TRPM3: variants seen among roughly 807,000 people sequenced by gnomAD.
TRPM3 encodes long transient receptor potential channel 3.
In TRPM3, 77 loss-of-function variants were observed where a neutral mutation model predicts 181.2. The observed-to-expected ratio is 0.42, with a 90% CI of 0.35 to 0.51. The LOEUF (loss-of-function observed/expected upper bound fraction) is 0.51. Ranked by LOEUF, TRPM3 falls within the 20% of genes least tolerant of loss-of-function variation. The pLI is 0.01. For missense variants in TRPM3, 1,759 were observed against 2,196.7 expected, an observed-to-expected ratio of 0.80 and a Z score of 3.98; for synonymous variants, 745 against 796.4, an observed-to-expected ratio of 0.94 and a Z score of 1.09.
At chr9:71,275,583 A>C (rs565697196) in intron 1 of TRPM3, among the ~76,000 whole-genome samples, 4 of 152,198 alleles carry the variant, frequency 2.6e-5, no homozygotes, top group African/African-American at 9.6e-5. Context: ...ATATGTAGGG[A>C]ATTATGAAGT....
intron 1 of TRPM3, among the ~76,000 whole-genome samples, chr9:71,294,092 TA>T (rs2086053026): frequency 6.6e-6 from 1 of 152,008 alleles, no homozygotes; most frequent in Non-Finnish European, 1.5e-5. Flanking sequence ...GATATCATAA[TA>T]AAGAATATTT....
chr9:71,388,457 C>T (rs536174177), intron 1 of TRPM3, among the ~76,000 whole-genome samples: 3 of 152,014 alleles, frequency 2.0e-5, no homozygotes, highest in East Asian at 1.9e-4. Flanking sequence ...AGTGTACATG[C>T]GTGGAATTGG....
chr9:70,954,988 C>T (rs748707239), intron 1 of TRPM3, among the ~76,000 whole-genome samples: 2 of 152,062 alleles, frequency 1.3e-5, no homozygotes, highest in Admixed American at 6.6e-5. Flanking sequence ...TGAGTGCCTG[C>T]GAGTTACTTA....
chr9:70,846,233 A>C, intron 4 of TRPM3, 145 bp downstream of exon 4: 2 of 712,798 alleles, frequency 2.8e-6, no homozygotes, highest in Non-Finnish European at 2.5e-6. Context: ...ATTTAGATAA[A>C]GGAGGGAGTG....
chr9:70,911,138 A>T (rs2096533348), intron 1 of TRPM3, among the ~76,000 whole-genome samples: 1 of 152,244 alleles, frequency 6.6e-6, no homozygotes, highest in Non-Finnish European at 1.5e-5. Flanking sequence ...GAAATATCTT[A>T]ATAACATGCA....
intron 9 of TRPM3, among the ~76,000 whole-genome samples, chr9:70,671,536 T>TACA (rs1196090029): frequency 8.6e-5 from 7 of 81,230 alleles, no homozygotes; most frequent in African/African-American, 4.3e-4. Context: ...CAGTGATTAT[T>TACA]ATAATAAACA....
At chr9:71,364,166 C>T (rs543312703) in intron 1 of TRPM3, among the ~76,000 whole-genome samples, 2 of 149,798 alleles carry the variant, frequency 1.3e-5, no homozygotes, top group Non-Finnish European at 3.0e-5. Flanking sequence ...CATACGAAAA[C>T]AAGACTACAA....
At chr9:70,664,687 G>A (rs1226469912) in intron 9 of TRPM3, among the ~76,000 whole-genome samples, 2 of 115,348 alleles carry the variant, frequency 1.7e-5, no homozygotes, top group African/African-American at 3.3e-5. Flanking sequence ...GTCTCACTCT[G>A]TTGCCTAGGC....
intron 1 of TRPM3, among the ~76,000 whole-genome samples, chr9:70,938,164 G>C (rs1377761444): frequency 6.6e-6 from 1 of 152,128 alleles, no homozygotes; most frequent in Non-Finnish European, 1.5e-5. Flanking sequence ...AGAGTGTTCA[G>C]GAATTTTTGA....
intron 1 of TRPM3, among the ~76,000 whole-genome samples, chr9:71,382,688 C>CTTTTT (rs11449039): frequency 1.4e-4 from 20 of 146,570 alleles, no homozygotes; most frequent in African/African-American, 4.5e-4. Context: ...TCTGTATAGT[C>CTTTTT]TTTTTTTTTT....
intron 18 of TRPM3, among the ~76,000 whole-genome samples, chr9:70,611,623 C>T (rs1366625942): frequency 3.9e-5 from 6 of 152,128 alleles, no homozygotes; most frequent in Non-Finnish European, 7.3e-5. Flanking sequence ...CATGTGAAAA[C>T]GGGACTAAAA....
chr9:70,747,838 C>T (rs1352238939), intron 8 of TRPM3, among the ~76,000 whole-genome samples: 3 of 151,656 alleles, frequency 2.0e-5, no homozygotes, highest in Admixed American at 2.0e-4. Flanking sequence ...TAGGGAATAG[C>T]AATAGTCTAG....
At chr9:70,665,521 G>T (rs1028013360) in intron 9 of TRPM3, among the ~76,000 whole-genome samples, 1 of 152,144 alleles carries the variant, frequency 6.6e-6, no homozygotes, top group Admixed American at 6.6e-5. Flanking sequence ...AAATAGACAC[G>T]TTCTCTTTAT....
chr9:70,761,936 C>T (rs1164545478), intron 7 of TRPM3, among the ~76,000 whole-genome samples: 1 of 152,078 alleles, frequency 6.6e-6, no homozygotes, highest in African/African-American at 2.4e-5. Flanking sequence ...AACCAACAGT[C>T]GAAAGATTGA....
chr9:71,284,900 T>C (rs986205754), intron 1 of TRPM3, among the ~76,000 whole-genome samples: 1 of 152,242 alleles, frequency 6.6e-6, no homozygotes, highest in African/African-American at 2.4e-5. Context: ...AGTCTGAATT[T>C]TGTATCACAC....
intron 1 of TRPM3, among the ~76,000 whole-genome samples, chr9:71,384,069 G>C (rs1281391268): frequency 6.6e-6 from 1 of 152,162 alleles, no homozygotes; most frequent in East Asian, 1.9e-4. Context: ...CCTGTCTTTT[G>C]ATACCATAAG....
chr9:70,840,763 T>A (rs2094581490), intron 5 of TRPM3, among the ~76,000 whole-genome samples: 2 of 152,126 alleles, frequency 1.3e-5, no homozygotes, highest in South Asian at 4.1e-4. Flanking sequence ...CTTATAAAAT[T>A]TATAAGATGA....
At chr9:71,379,011 TTAAG>T (rs781449341) in intron 1 of TRPM3, among the ~76,000 whole-genome samples, 1 of 152,046 alleles carries the variant, frequency 6.6e-6, no homozygotes, top group Non-Finnish European at 1.5e-5. Context: ...GTACACATTT[TTAAG>T]TAATAAAAAC....
At chr9:70,892,079 G>GA (rs1486327763) in intron 1 of TRPM3, among the ~76,000 whole-genome samples, 1 of 151,810 alleles carries the variant, frequency 6.6e-6, no homozygotes, top group South Asian at 2.1e-4. Context: ...GATTTACGAG[G>GA]AAAAAAAGGG....
Sources: allele counts gnomAD v4.1 joint callset (sites outside exome capture counted in the v4.1 genomes callset), GRCh38; gene constraint gnomAD v4.1.1; transcripts MANE v1.5; gene names NCBI Gene and HGNC (gene_info 2026-07-23, HGNC 2026-07-21).